Variants in ZNF514 observed in about 807,000 individuals in gnomAD.
ZNF514 encodes zinc finger protein 514.
A neutral mutation model predicts 9.7 loss-of-function variants in ZNF514; 12 were observed. The ratio of observed to expected loss-of-function variants is 1.24; its 90% CI spans 0.79 to 2.01. The LOEUF (loss-of-function observed/expected upper bound fraction) is 2.01. Among genes scored for constraint, ZNF514 ranks in the 30% most tolerant of loss-of-function variants. The probability of loss-of-function intolerance (pLI) is 0.00; values close to 1 mark genes in which losing one functional copy is unlikely to be tolerated. For synonymous variants in ZNF514, 158 were observed against 163.7 expected (o/e 0.97, Z 0.27); for missense variants, 467 against 465.5 (o/e 1.00, Z -0.03).
Position 95,153,226 on chromosome 2 carries a change from A to C in ZNF514, c.28T>G (p.Phe10Val), listed in dbSNP as rs753451789. The change falls in exon 3 of 5, where the codon TTC becomes GTC. Residue 10 changes from phenylalanine to valine, a missense_variant. Phe to Val is a conservative substitution (Grantham distance 50). Transcript: ENST00000295208. ...AGCTGCCCCCACTCCCACTGGCTGA[A>C]TTCCACAGCCACATCTTCAAATGTC... MTFEDVAVE[F>V]SQWEWGQLNP... is the part of the protein sequence containing the mutation. 2 of 1,613,986 alleles carry C rather than the reference A, an allele frequency of 1.2e-6. No individual in the cohort carries two copies. The highest frequency in any genetic ancestry group is 1.7e-6 in the Non-Finnish European group (2 of 1,179,894).
the ZNF514 span, among the ~76,000 whole-genome samples, chr2:95,126,764 CT>C: frequency 2.0e-5 from 3 of 151,302 alleles, no homozygotes; most frequent in Non-Finnish European, 2.9e-5. Context: ...AGCCCATTTT[CT>C]TTTTTTTTCT....
the ZNF514 span, among the ~76,000 whole-genome samples, chr2:95,136,388 C>T: frequency 2.6e-5 from 4 of 151,978 alleles, no homozygotes; most frequent in Non-Finnish European, 4.4e-5. Context: ...GCTGAGATTA[C>T]AGGCACACAC....
chr2:95,126,923 G>C, the ZNF514 span, among the ~76,000 whole-genome samples: 1 of 149,858 alleles, frequency 6.7e-6, no homozygotes, highest in South Asian at 2.2e-4. Context: ...CACGGGATGG[G>C]TTCTGGGACC....
In ZNF514 at chr2:95,149,299, C is replaced by T; in HGVS notation, c.1186G>A (p.Gly396Arg). ...CACTGAATTTATAGGGTTTTTTTTCCAGCATGACTTCTCTGATGTTTAATA... is the reference window on the plus strand; with the variant it reads ...CACTGAATTTATAGGGTTTTTTTTCTAGCATGACTTCTCTGATGTTTAATA... ...SLIKHQRSHA[G>R]KKTL The change falls in exon 5 of 5, where the codon GGA becomes AGA. Residue 396 changes from glycine (G) to arginine (R), a missense_variant. Gly to Arg is a moderately radical substitution (Grantham distance 125). Transcript: ENST00000295208. The T allele has an allele frequency of 6.4e-7, 1 of 1,573,048 alleles. No individual in the cohort carries two copies. The highest frequency in any genetic ancestry group is 1.4e-5 in the African/African-American group (1 of 72,992).
rs536622898 is a variant in ZNF514, at chr2:95,158,565, G to C, written c.-96+675C>G. Among the ~76,000 whole-genome samples, 16 of 152,210 alleles carry C rather than the reference G, an allele frequency of 1.1e-4. 1 individual carries two copies. The highest frequency in any genetic ancestry group is 2.1e-4 in the Non-Finnish European group (14 of 68,032). On this transcript the variant is annotated intron_variant, in intron 1 of 4. Transcript: ENST00000295208. ...TAGAACGACTGGAAGAACCTTATTA[G>C]TGAGGTGATTAAGGAGGTGGATGAC... is the stretch of plus-strand genomic sequence containing the variant.
rs1207069505 is a variant in ZNF514, at chr2:95,149,582, T to C, written c.903A>G (p.Ser301=). 4.3e-6 allele frequency: 7 copies of C among 1,613,982 alleles called. No individual in the cohort carries two copies. The highest frequency in any genetic ancestry group is 5.1e-6 in the Non-Finnish European group (6 of 1,179,984). The part of the protein sequence containing the change: ...NECGRAFGHT[S]SLIKHQRTHT... The stretch of plus-strand genomic sequence containing the variant: ...GAGTCCTCTGATGCTTAATAAGGGA[T>C]GAAGTGTGACCAAAGGCTCGTCCAC... The change falls in exon 5 of 5, where the codon TCA becomes TCG. Residue 301 remains serine, a synonymous_variant. Coordinates refer to ENST00000295208, the MANE Select transcript of ZNF514 (RefSeq NM_032788.3).
chr2:95,157,651 C>A (rs543351751), intron 1 of ZNF514, among the ~76,000 whole-genome samples: 1 of 152,304 alleles, frequency 6.6e-6, no homozygotes, highest in African/African-American at 2.4e-5. Context: ...CCCACCTGTC[C>A]ACAGCCCACA....
At chr2:95,132,249 T>C in the ZNF514 span, among the ~76,000 whole-genome samples, 1 of 150,540 alleles carries the variant, frequency 6.6e-6, no homozygotes, top group South Asian at 2.1e-4. Context: ...AACACTAGTA[T>C]CTAGAATTTA....
chr2:95,156,732 G>A (rs1234018287), intron 2 of ZNF514, among the ~76,000 whole-genome samples: 1 of 152,112 alleles, frequency 6.6e-6, no homozygotes. Context: ...ACATGTTACT[G>A]GTGGCAAACC....
chr2:95,150,975 A>G (rs1277313198), intron 4 of ZNF514, among the ~76,000 whole-genome samples: 1 of 152,188 alleles, frequency 6.6e-6, no homozygotes, highest in East Asian at 1.9e-4. Context: ...TTCAGGGACA[A>G]GCTCATGTCC....
downstream of ZNF514, among the ~76,000 whole-genome samples, chr2:95,142,261 G>A (rs1157563996): frequency 1.3e-5 from 2 of 152,096 alleles, no homozygotes; most frequent in Non-Finnish European, 2.9e-5. Context: ...AGTCTATAGG[G>A]AATAATAGAC....
chr2:95,137,507 C>T, the ZNF514 span, among the ~76,000 whole-genome samples: 3 of 152,148 alleles, frequency 2.0e-5, no homozygotes, highest in Admixed American at 6.5e-5. Context: ...TTAGGCTGCA[C>T]ACCATCTGTC....
chr2:95,126,392 A>AGAAAG, the ZNF514 span, among the ~76,000 whole-genome samples: 3 of 84,450 alleles, frequency 3.6e-5, no homozygotes, highest in African/African-American at 5.6e-5. Context: ...AAAAAAAAAA[A>AGAAAG]AAAGAAAGAA....
In ZNF514 at chr2:95,147,557, C is replaced by A. The variant is rs1207545244; in HGVS notation, c.*1725G>T. The A allele has an allele frequency of 6.6e-6, 1 of 152,074 alleles. No homozygotes were observed. The highest frequency in any genetic ancestry group is 1.5e-5 in the Non-Finnish European group (1 of 68,016). The allele number at this position is 152,074 out of a possible 1,614,324, so 9.4% of individuals were successfully genotyped here. The stretch of plus-strand genomic sequence containing the variant: ...TTTCCTAAAATGGTACTAGAAAATA[C>A]CTGGTCTCTGGCATCTGCCTTCTTT... On this transcript the variant is annotated 3_prime_UTR_variant, in exon 5 of 5. Transcript: ENST00000295208.
chr2:95,159,634 C>T lies in ZNF514; in HGVS notation c.-490G>A, dbSNP rs1202109992. ...GCCCCCGCCCGCCACCCCGCGCCAG[C>T]CCCCGCCCGCCACCCCGCGCCAGCC... On this transcript the variant is annotated 5_prime_UTR_variant, in exon 1 of 5. Transcript: ENST00000295208. 1 of 117,684 alleles carries T rather than the reference C, an allele frequency of 8.5e-6. No homozygotes were observed. Among genetic ancestry groups the T allele is most frequent in the African/African-American group, 3.2e-5 (1 of 31,116 alleles). The allele number at this position is 117,684 out of a possible 1,614,324, so 7.3% of individuals were successfully genotyped here. A position where few individuals can be genotyped will look rare whatever the true frequency, so the allele number is the denominator to read the frequency against.
Position 95,146,613 on chromosome 2 carries a change from A to C in ZNF514, c.*2669T>G, listed in dbSNP as rs1673366630. On this transcript the variant is annotated 3_prime_UTR_variant, in exon 5 of 5. Coordinates refer to ENST00000295208, the MANE Select transcript of ZNF514 (RefSeq NM_032788.3). ...GCCTAAAGAGGGCATTATATACCAC[A>C]CACGGGGGGTGAGGATTTATCTTGT... 2.7e-5 allele frequency among the ~76,000 whole-genome samples: 4 copies of C among 150,234 alleles called. No individual in the cohort carries two copies. In the South Asian group the frequency reaches 8.6e-4, roughly 32 times the overall value.
intron 4 of ZNF514, among the ~76,000 whole-genome samples, chr2:95,152,447 A>ATCTC (rs1673568868): frequency 6.6e-6 from 1 of 152,188 alleles, no homozygotes; most frequent in Non-Finnish European, 1.5e-5. Context: ...ATAACCCAGA[A>ATCTC]GGCATGGGCA....
At chr2:95,140,601 AG>A (rs1676811999), downstream of ZNF514, among the ~76,000 whole-genome samples, 1 of 152,026 alleles carries the variant, frequency 6.6e-6, no homozygotes, top group African/African-American at 2.4e-5. Context: ...TGACGGAGCA[AG>A]ACTTCATCTT....
the ZNF514 span, among the ~76,000 whole-genome samples, chr2:95,127,562 TTGTTTTG>T: frequency 6.6e-6 from 1 of 150,670 alleles, no homozygotes; most frequent in Admixed American, 6.7e-5. Flanking sequence ...TGTTTTTTGG[TTGTTTTG>T]TTTTTGTTTT....
Sources: allele counts gnomAD v4.1 joint callset (sites outside exome capture counted in the v4.1 genomes callset), GRCh38; gene constraint gnomAD v4.1.1; transcripts MANE v1.5; gene names NCBI Gene and HGNC (gene_info 2026-07-23, HGNC 2026-07-21).